The following TMEM178B variants were observed in gnomAD, a reference collection of about 807,000 sequenced individuals.
TMEM178B encodes transmembrane protein 178B.
A neutral mutation model predicts 31.0 loss-of-function variants in TMEM178B; 5 were observed. That is an observed-to-expected ratio of 0.16 (90% CI 0.08 to 0.34). The LOEUF is 0.34. Among genes scored for constraint, TMEM178B ranks in the 10% least tolerant of loss-of-function variants. The pLI is 1.00. For missense variants in TMEM178B, 275 were observed against 400.3 expected (o/e 0.69, Z 2.67); for synonymous variants, 164 against 164.0 (o/e 1.00, Z 0.00).
the TMEM178B span, among the ~76,000 whole-genome samples, chr7:141,488,961 G>A: frequency 6.6e-6 from 1 of 151,934 alleles, no homozygotes; most frequent in Non-Finnish European, 1.5e-5. Flanking sequence ...AGAAAGAGAA[G>A]GAGGAGGGAG....
At chr7:141,325,473 G>T (rs78392699) in intron 2 of TMEM178B, among the ~76,000 whole-genome samples, 1 of 151,982 alleles carries the variant, frequency 6.6e-6, no homozygotes, top group East Asian at 1.9e-4. Context: ...GTCCCCCAGG[G>T]ACCAAAGGCC....
chr7:141,442,734 T>C (rs1324011047), intron 3 of TMEM178B, among the ~76,000 whole-genome samples: 1 of 152,238 alleles, frequency 6.6e-6, no homozygotes, highest in Non-Finnish European at 1.5e-5. Flanking sequence ...CCCAGTTTCA[T>C]GCAGCCACCT....
intron 1 of TMEM178B, among the ~76,000 whole-genome samples, chr7:141,165,750 G>C (rs1005282): frequency 2.0e-5 from 3 of 152,078 alleles, no homozygotes; most frequent in African/African-American, 7.2e-5. Flanking sequence ...GGGTCAGGCC[G>C]CTTGAGTTGA....
chr7:141,312,032 C>G (rs1798918642), intron 2 of TMEM178B, among the ~76,000 whole-genome samples: 1 of 152,214 alleles, frequency 6.6e-6, no homozygotes, highest in Non-Finnish European at 1.5e-5. Context: ...TTCTGCCATC[C>G]CTACCTCAAG....
chr7:141,225,148 AC>A (rs771852460), intron 2 of TMEM178B, among the ~76,000 whole-genome samples: 1 of 152,168 alleles, frequency 6.6e-6, no homozygotes, highest in Non-Finnish European at 1.5e-5. Context: ...AAGAGGCAGG[AC>A]TAGAATCCAG....
chr7:141,504,517 G>A, the TMEM178B span, among the ~76,000 whole-genome samples: 29 of 152,306 alleles, frequency 1.9e-4, no homozygotes, highest in African/African-American at 5.8e-4. Flanking sequence ...CTATATGAGA[G>A]AAGTGTTCGT....
At chr7:141,327,003 G>A (rs1382494354) in intron 2 of TMEM178B, among the ~76,000 whole-genome samples, 1 of 152,150 alleles carries the variant, frequency 6.6e-6, no homozygotes, top group Non-Finnish European at 1.5e-5. Flanking sequence ...ATTGAGCCAT[G>A]CAACTCTAGA....
At chr7:141,434,918 G>T (rs996165543) in intron 2 of TMEM178B, among the ~76,000 whole-genome samples, 1 of 152,126 alleles carries the variant, frequency 6.6e-6, no homozygotes, top group African/African-American at 2.4e-5. Flanking sequence ...TTCCATCCAG[G>T]TTGCTGCAAA....
intron 2 of TMEM178B, among the ~76,000 whole-genome samples, chr7:141,226,275 G>A (rs1433008023): frequency 2.0e-5 from 3 of 152,148 alleles, no homozygotes; most frequent in Admixed American, 6.5e-5. Context: ...GTTCATGAGT[G>A]TGGATGACAA....
chr7:141,256,230 C>T (rs1797925764), intron 2 of TMEM178B, among the ~76,000 whole-genome samples: 1 of 152,116 alleles, frequency 6.6e-6, no homozygotes. Context: ...AAATAGAAGA[C>T]CATAAACAAG....
intron 2 of TMEM178B, among the ~76,000 whole-genome samples, chr7:141,402,467 G>C (rs536318736): frequency 4.6e-5 from 7 of 152,334 alleles, no homozygotes; most frequent in African/African-American, 1.7e-4. Flanking sequence ...GCTGCATCTT[G>C]GTAGAGCTCA....
intron 1 of TMEM178B, among the ~76,000 whole-genome samples, chr7:141,097,398 T>G (rs1438323559): frequency 1.4e-5 from 2 of 144,440 alleles, no homozygotes; most frequent in African/African-American, 5.1e-5. Context: ...AGACAAAATG[T>G]AAACTGTCTA....
chr7:141,144,047 A>G (rs918133714), intron 1 of TMEM178B, among the ~76,000 whole-genome samples: 6 of 152,176 alleles, frequency 3.9e-5, no homozygotes, highest in Non-Finnish European at 8.8e-5. Flanking sequence ...TCTAGAAATG[A>G]CATGGATTTT....
At chr7:141,382,176 A>G (rs1026649463) in intron 2 of TMEM178B, among the ~76,000 whole-genome samples, 1 of 152,212 alleles carries the variant, frequency 6.6e-6, no homozygotes, top group Non-Finnish European at 1.5e-5. Context: ...TAAAACAGAA[A>G]TCATGTGTCA....
intron 2 of TMEM178B, among the ~76,000 whole-genome samples, chr7:141,386,914 T>C (rs1800441759): frequency 6.6e-6 from 1 of 152,182 alleles, no homozygotes; most frequent in Non-Finnish European, 1.5e-5. Context: ...GTAACTCAGC[T>C]TCAATAATCC....
At chr7:141,415,540 G>A (rs528509122) in intron 2 of TMEM178B, 1 of 152,848 alleles carries the variant, frequency 6.5e-6, no homozygotes, top group South Asian at 2.1e-4. Flanking sequence ...AAGGGAAGAA[G>A]GGCAGAGTCA....
At position 141,473,689 on chromosome 7, in the gene TMEM178B, T is replaced by C. The variant is rs1802297276; in HGVS notation, c.*2903T>C. On this transcript the variant is annotated 3_prime_UTR_variant, in exon 4 of 4. Transcript: ENST00000565468. ...ACTCACCAGCCCAGAGCAGGGGCTT[T>C]GAGTGACTTCTTTGATAGCAGGACC... The C allele has an allele frequency of 6.6e-6, 1 of 152,170 alleles. No homozygotes were observed. The highest frequency in any genetic ancestry group is 2.1e-4 in the South Asian group (1 of 4,824). The allele number at this position is 152,170 out of a possible 1,614,324, so 9.4% of individuals were successfully genotyped here. A position where few individuals can be genotyped will look rare whatever the true frequency, so the allele number is the denominator to read the frequency against.
chr7:141,287,837 A>G (rs1328988140), intron 2 of TMEM178B, among the ~76,000 whole-genome samples: 1 of 152,088 alleles, frequency 6.6e-6, no homozygotes, highest in African/African-American at 2.4e-5. Context: ...TTATTTCTTT[A>G]TGGTGTTTAT....
chr7:141,192,346 A>C (rs911833285), intron 1 of TMEM178B, among the ~76,000 whole-genome samples: 10 of 152,126 alleles, frequency 6.6e-5, no homozygotes, highest in Non-Finnish European at 8.8e-5. Flanking sequence ...AGGGGGAGAT[A>C]GGCCATGTAC....
Sources: allele counts gnomAD v4.1 joint callset (sites outside exome capture counted in the v4.1 genomes callset), GRCh38; gene constraint gnomAD v4.1.1; transcripts MANE v1.5; gene names NCBI Gene and HGNC (gene_info 2026-07-23, HGNC 2026-07-21).